The following DYM variants were observed in gnomAD, a reference collection of about 807,000 sequenced individuals.
DYM encodes the protein dyggve-Melchior-Clausen syndrome protein.
Under a neutral mutation model 93.1 loss-of-function variants are expected in DYM, and 78 were observed. The observed-to-expected ratio is 0.84, with a 90% CI of 0.70 to 1.01. DYM has a LOEUF of 1.01. Ranked by LOEUF, DYM falls within the 50% of genes least tolerant of loss-of-function variation. DYM has a pLI of 0.00. For missense variants in DYM, 789 were observed against 845.0 expected (o/e 0.93, Z 0.82); for synonymous variants, 321 against 319.7 (o/e 1.00, Z -0.04).
At chr18:49,052,203 A>G (rs2144392646) in intron 17 of DYM, among the ~76,000 whole-genome samples, 1 of 152,316 alleles carries the variant, frequency 6.6e-6, no homozygotes, top group South Asian at 2.1e-4. Context: ...AAGGGTGAAC[A>G]CTAGGCATAA....
At chr18:49,242,693 T>TTTTG (rs1331231415) in intron 13 of DYM, among the ~76,000 whole-genome samples, 1 of 152,002 alleles carries the variant, frequency 6.6e-6, no homozygotes, top group African/African-American at 2.4e-5. Flanking sequence ...CTAGCGTTAT[T>TTTTG]TTTGTTTGTT....
chr18:49,063,892 G>T (rs1414483875), intron 17 of DYM, among the ~76,000 whole-genome samples: 1 of 152,144 alleles, frequency 6.6e-6, no homozygotes, highest in Admixed American at 6.5e-5. Flanking sequence ...GCCTTCCAAA[G>T]TGCTGGAATT....
intron 15 of DYM, among the ~76,000 whole-genome samples, chr18:49,151,800 A>G (rs966174644): frequency 5.3e-5 from 8 of 152,204 alleles, no homozygotes; most frequent in African/African-American, 1.9e-4. Context: ...TTTTCTTCCT[A>G]TTGGGAACTA....
chr18:49,425,189 A>C (rs1054235442), intron 2 of DYM, among the ~76,000 whole-genome samples: 1 of 152,210 alleles, frequency 6.6e-6, no homozygotes, highest in African/African-American at 2.4e-5. Flanking sequence ...CTGGTACCAA[A>C]ACAGAGATAT....
intron 2 of DYM, among the ~76,000 whole-genome samples, chr18:49,399,687 C>T (rs1599925473): frequency 6.6e-6 from 1 of 152,020 alleles, no homozygotes; most frequent in Admixed American, 6.5e-5. Context: ...AGTAAGATTG[C>T]CCAGTTGCTT....
intron 1 of DYM, among the ~76,000 whole-genome samples, chr18:49,446,665 G>A (rs2148660650): frequency 6.6e-6 from 1 of 152,294 alleles, no homozygotes; most frequent in South Asian, 2.1e-4. Flanking sequence ...AAGTTGTGAA[G>A]AAGGGAATGA....
intron 13 of DYM, among the ~76,000 whole-genome samples, chr18:49,217,779 C>T (rs540782537): frequency 6.6e-6 from 1 of 152,120 alleles, no homozygotes; most frequent in Non-Finnish European, 1.5e-5. Context: ...AGGAACAAAC[C>T]GTACCACCCA....
At chr18:49,192,690 G>C (rs2091090362) in intron 14 of DYM, among the ~76,000 whole-genome samples, 1 of 151,858 alleles carries the variant, frequency 6.6e-6, no homozygotes, top group African/African-American at 2.4e-5. Flanking sequence ...GAATACAGTA[G>C]TTTGAAATCT....
chr18:49,254,618 T>C (rs1263268706), intron 13 of DYM, among the ~76,000 whole-genome samples: 1 of 152,206 alleles, frequency 6.6e-6, no homozygotes, highest in Admixed American at 6.5e-5. Context: ...ACAGTGTTTT[T>C]ATATGCATTT....
intron 16 of DYM, among the ~76,000 whole-genome samples, chr18:49,102,827 T>G (rs1332782709): frequency 1.3e-5 from 2 of 152,232 alleles, no homozygotes. Context: ...GATGGACATT[T>G]GGCTTGGTTC....
intron 8 of DYM, among the ~76,000 whole-genome samples, chr18:49,309,614 G>A (rs532654579): frequency 2.0e-5 from 3 of 152,126 alleles, no homozygotes; most frequent in Non-Finnish European, 4.4e-5. Context: ...CAGCCTGGGC[G>A]ACAAAGCAAG....
Position 49,119,352 on chromosome 18 carries a change from C to T in DYM, c.1729-426G>A, listed in dbSNP as rs574063098. Among the ~76,000 whole-genome samples the T allele has an allele frequency of 8.5e-5, 13 of 152,194 alleles. No individual in the cohort carries two copies. The South Asian group carries it at 2.5e-3, about 29-fold the overall frequency. On this transcript the variant is annotated intron_variant, in intron 15 of 17. Coordinates refer to ENST00000675505, the MANE Select transcript of DYM (RefSeq NM_001353214.3). ...CAGAAGATGACTTCATTTCTCTACACTGTCATTTCAGTCTTTATATTTCAG... is the reference window on the plus strand; with the variant it reads ...CAGAAGATGACTTCATTTCTCTACATTGTCATTTCAGTCTTTATATTTCAG...
intron 8 of DYM, among the ~76,000 whole-genome samples, chr18:49,331,575 TA>T (rs1432273385): frequency 3.3e-5 from 5 of 152,240 alleles, no homozygotes; most frequent in Non-Finnish European, 2.9e-5. Flanking sequence ...TGCTTAATTT[TA>T]TTTTTACTAT....
chr18:49,216,115 G>C (rs967786611), intron 13 of DYM, among the ~76,000 whole-genome samples: 23 of 152,276 alleles, frequency 1.5e-4, no homozygotes, highest in Admixed American at 1.4e-3. Flanking sequence ...CACCTGGCTC[G>C]GAGGGTCCTA....
chr18:49,059,526 C>A (rs541762570), intron 17 of DYM, among the ~76,000 whole-genome samples: 10 of 152,296 alleles, frequency 6.6e-5, no homozygotes, highest in Non-Finnish European at 1.3e-4. Flanking sequence ...GTCTGCATCA[C>A]TGAGCTGTGA....
At chr18:49,310,740 G>A (rs1238420395) in intron 8 of DYM, among the ~76,000 whole-genome samples, 1 of 152,044 alleles carries the variant, frequency 6.6e-6, no homozygotes, top group Admixed American at 6.6e-5. Flanking sequence ...TATAGAAAAT[G>A]TTGCCTTTAC....
rs953982650 is a variant in DYM at position 49,425,643 on chromosome 18, C to G, written c.140+4612G>C. Among the ~76,000 whole-genome samples the G allele has an allele frequency of 1.1e-3, 169 of 152,222 alleles. 2 individuals are homozygous for G. The highest frequency in any genetic ancestry group is 4.0e-3 in the African/African-American group (165 of 41,524). On this transcript the variant is annotated intron_variant, in intron 2 of 17. Coordinates refer to ENST00000675505, the MANE Select transcript of DYM (RefSeq NM_001353214.3). The stretch of plus-strand genomic sequence containing the variant: ...TGGGAGAAAATTTTTGCAATCTACC[C>G]ATCTGACAAAGGGCTAATATCCACA...
At chr18:49,293,874 T>A (rs1482849434) in intron 8 of DYM, among the ~76,000 whole-genome samples, 3 of 152,222 alleles carry the variant, frequency 2.0e-5, no homozygotes, top group African/African-American at 7.2e-5. Flanking sequence ...GATGTTTTAG[T>A]CATGGAATCT....
intron 15 of DYM, among the ~76,000 whole-genome samples, chr18:49,130,277 C>T (rs1202311955): frequency 6.6e-6 from 1 of 152,170 alleles, no homozygotes; most frequent in East Asian, 1.9e-4. Flanking sequence ...AAATAAAGAG[C>T]TGCTAGGGGA....
Sources: gnomAD v4.1 joint callset for allele counts (sites outside exome capture counted in the v4.1 genomes callset) on GRCh38, gnomAD v4.1.1 for gene constraint, MANE v1.5 for transcripts, NCBI Gene and HGNC (gene_info 2026-07-23, HGNC 2026-07-21) for gene names.